IFT74: variants seen among roughly 807,000 people sequenced by gnomAD.
IFT74 encodes the protein intraflagellar transport protein 74 homolog.
A neutral mutation model predicts 96.7 loss-of-function variants in IFT74; 92 were observed. That is an observed-to-expected ratio of 0.95 (90% CI 0.80 to 1.13). IFT74 has a LOEUF of 1.13. Among genes scored for constraint, IFT74 ranks in the 50% most tolerant of loss-of-function variants. IFT74 has a pLI of 0.00. For missense variants in IFT74, 811 were observed against 698.2 expected (o/e 1.16, Z -1.82); for synonymous variants, 223 against 213.2 (o/e 1.05, Z -0.40).
chr9:26,997,685 T>G (rs550041672), intron 8 of IFT74: 1 of 1,536,908 alleles, frequency 6.5e-7, no homozygotes, highest in Admixed American at 2.1e-5. Context: ...GGTGGAACAT[T>G]GAGTTAATCA....
intron 13 of IFT74, among the ~76,000 whole-genome samples, chr9:27,034,554 G>A (rs1406846676): frequency 6.6e-6 from 1 of 152,110 alleles, no homozygotes; most frequent in Non-Finnish European, 1.5e-5. Flanking sequence ...TTGAGACGGA[G>A]TTTTTCTCTT....
At chr9:27,049,496 A>G (rs1819834744) in intron 16 of IFT74, among the ~76,000 whole-genome samples, 1 of 152,144 alleles carries the variant, frequency 6.6e-6, no homozygotes, top group Admixed American at 6.5e-5. Context: ...ATGTGGGTAG[A>G]AGGTGGTGCA....
At chr9:27,025,437 C>A (rs1829812664) in intron 12 of IFT74, among the ~76,000 whole-genome samples, 2 of 107,898 alleles carry the variant, frequency 1.9e-5, no homozygotes, top group Non-Finnish European at 1.8e-5. Flanking sequence ...AGTGAGACTC[C>A]ATCTCCAAAA....
At chr9:26,951,409 C>T (rs913427663) in intron 1 of IFT74, among the ~76,000 whole-genome samples, 7 of 151,770 alleles carry the variant, frequency 4.6e-5, no homozygotes, top group African/African-American at 1.5e-4. Flanking sequence ...AACTAAAATT[C>T]GCCACATAGA....
chr9:27,013,300 A>G (rs1412748596), intron 10 of IFT74, among the ~76,000 whole-genome samples: 1 of 152,194 alleles, frequency 6.6e-6, no homozygotes, highest in African/African-American at 2.4e-5. Flanking sequence ...TTAAATTGCT[A>G]CAATGTATTA....
In IFT74 at chr9:26,961,925, G is replaced by C. The variant is rs745365443; in HGVS notation, c.-19-24G>C. 4 of 1,612,182 alleles carry C rather than the reference G, an allele frequency of 2.5e-6. No individual in the cohort carries two copies. In the Admixed American group the frequency reaches 6.7e-5, roughly 27 times the overall value. The stretch of plus-strand genomic sequence containing the variant: ...TTGCTAGAGAAGACATCAAAGGATT[G>C]AACTATTTATTGTTTCCAAACAGCG... On this transcript the variant is annotated intron_variant, in intron 1 of 19. Coordinates refer to ENST00000380062, the MANE Select transcript of IFT74 (RefSeq NM_025103.4).
At chr9:27,033,721 G>A (rs960510365) in intron 13 of IFT74, among the ~76,000 whole-genome samples, 1 of 151,926 alleles carries the variant, frequency 6.6e-6, no homozygotes, top group Non-Finnish European at 1.5e-5. Context: ...CAAGAACAGT[G>A]CTGCACTAGT....
At chr9:26,966,259 C>T (rs1317579912) in intron 2 of IFT74, among the ~76,000 whole-genome samples, 1 of 152,004 alleles carries the variant, frequency 6.6e-6, no homozygotes, top group Admixed American at 6.6e-5. Context: ...TACTGTTCTC[C>T]ATAGTAGTTA....
chr9:26,947,897 A>G (rs1490337745), intron 1 of IFT74, among the ~76,000 whole-genome samples: 1 of 152,144 alleles, frequency 6.6e-6, no homozygotes, highest in African/African-American at 2.4e-5. Flanking sequence ...ACGTATTTTT[A>G]ACAACCCCGC....
intron 10 of IFT74, among the ~76,000 whole-genome samples, chr9:27,016,396 A>C (rs952220916): frequency 1.3e-5 from 2 of 152,194 alleles, no homozygotes; most frequent in African/African-American, 4.8e-5. Context: ...CTAAATATGC[A>C]AAGAGCTTAT....
At chr9:26,990,040 A>G in intron 7 of IFT74, 94 bp from the exon 8 acceptor site, 1 of 573,584 alleles carries the variant, frequency 1.7e-6, no homozygotes, top group East Asian at 3.4e-5. Context: ...TAATTATAGT[A>G]ATTTCTCATT....
intron 18 of IFT74, among the ~76,000 whole-genome samples, chr9:27,058,190 C>G (rs1820256424): frequency 6.6e-6 from 1 of 151,790 alleles, no homozygotes; most frequent in Non-Finnish European, 1.5e-5. Flanking sequence ...CTGGACTCAA[C>G]CGATCCTCCT....
Position 27,062,701 on chromosome 9 carries a change from A to G in IFT74, c.1768A>G (p.Ile590Val), listed in dbSNP as rs1820481113. 6.2e-7 allele frequency: 1 copy of G among 1,605,916 alleles called. No individual in the cohort carries two copies. Among genetic ancestry groups the G allele is most frequent in the East Asian group, 2.2e-5 (1 of 44,530 alleles). Residue 590 changes from isoleucine to valine, a missense_variant, in exon 20 of 20, where the codon ATC becomes GTC. Physicochemically the swap from Ile to Val is conservative, Grantham distance 29. Transcript: ENST00000380062. ...TKQIAEYNKT[I>V]VDALHSTSGN ...GCAGATTGCAGAGTACAATAAAACC[A>G]TCGTGGATGCTTTACATAGCACCAG...
chr9:26,961,381 C>G (rs1025561559), intron 1 of IFT74, among the ~76,000 whole-genome samples: 6 of 152,020 alleles, frequency 3.9e-5, no homozygotes, highest in African/African-American at 1.5e-4. Context: ...TTTGCCACTG[C>G]GCCTGGCCTC....
At chr9:26,969,933 A>C (rs544883178) in intron 2 of IFT74, among the ~76,000 whole-genome samples, 1 of 152,174 alleles carries the variant, frequency 6.6e-6, no homozygotes, top group African/African-American at 2.4e-5. Flanking sequence ...TCAGGGTATA[A>C]AATTCGTGGC....
chr9:27,004,679 C>G (rs1361839048), intron 8 of IFT74, among the ~76,000 whole-genome samples: 2 of 152,208 alleles, frequency 1.3e-5, no homozygotes, highest in South Asian at 4.1e-4. Flanking sequence ...TTTCTTTCTC[C>G]TTTTGGAATA....
Position 27,047,336 on chromosome 9 carries a change from G to A in IFT74, c.1171G>A (p.Ala391Thr). The A allele has an allele frequency of 1.2e-6, 2 of 1,613,238 alleles. No homozygotes were observed. The highest frequency in any genetic ancestry group is 1.7e-6 in the Non-Finnish European group (2 of 1,179,350). Residue 391 changes from alanine to threonine, a missense_variant, in exon 15 of 20, where the codon GCC becomes ACC. Ala to Thr is a moderately conservative substitution (Grantham distance 58). Coordinates refer to ENST00000380062, the MANE Select transcript of IFT74 (RefSeq NM_025103.4). The part of the protein sequence containing the change: ...QELKRKAQIE[A>T]NIVALLEHCS... ...ACTGAAACGAAAGGCACAGATAGAA[G>A]CCAACATTGTTGCACTCTTGGAGCA...
At position 26,971,719 on chromosome 9, in the gene IFT74, G is replaced by A. The variant is rs1826886542; in HGVS notation, c.121-6409G>A. Among the ~76,000 whole-genome samples, 4 of 152,084 alleles carry A rather than the reference G, an allele frequency of 2.6e-5. No individual in the cohort carries two copies. In the South Asian group the frequency reaches 8.3e-4, roughly 32 times the overall value. ...ACATGTACAATAGCTATCTCTTCTG[G>A]CAGCTGGAGATTGTTTAAGACATGG... On this transcript the variant is annotated intron_variant, in intron 2 of 19. Transcript: ENST00000380062.
At chr9:27,023,712 G>T (rs560016107) in intron 12 of IFT74, among the ~76,000 whole-genome samples, 2 of 152,102 alleles carry the variant, frequency 1.3e-5, no homozygotes, top group Admixed American at 1.3e-4. Context: ...CTATCTTTTG[G>T]AATAGTTTCA....
Sources: allele counts gnomAD v4.1 joint callset (sites outside exome capture counted in the v4.1 genomes callset), GRCh38; gene constraint gnomAD v4.1.1; transcripts MANE v1.5; gene names NCBI Gene and HGNC (gene_info 2026-07-23, HGNC 2026-07-21).